Variants in ATP2B1 observed in about 807,000 individuals in gnomAD.
ATP2B1 encodes ATPase plasma membrane Ca2+ transporting 1, also known as plasma membrane calcium-transporting ATPase 1.
ATP2B1 carries 14 observed loss-of-function variants against 124.2 expected under a neutral mutation model. The ratio of observed to expected loss-of-function variants is 0.11; its 90% CI spans 0.07 to 0.18. The LOEUF (loss-of-function observed/expected upper bound fraction) is 0.18. ATP2B1 is among the 10% of genes least tolerant of loss of function. ATP2B1 has a pLI of 1.00. For synonymous variants in ATP2B1, 449 were observed against 492.4 expected (o/e 0.91, Z 1.17); for missense variants, 763 against 1,466.1 (o/e 0.52, Z 7.83).
chr12:89,616,768 T>G, intron 12 of ATP2B1, 34 bp downstream of exon 12: 2 of 1,580,554 alleles, frequency 1.3e-6, no homozygotes, highest in Non-Finnish European at 8.7e-7. Context: ...AGTTATGAGA[T>G]TCTGCACATG....
At chr12:89,649,125 T>G (rs1269472348) in intron 2 of ATP2B1, among the ~76,000 whole-genome samples, 1 of 152,234 alleles carries the variant, frequency 6.6e-6, no homozygotes, top group Non-Finnish European at 1.5e-5. Context: ...AGGGGAATTG[T>G]AGGGTTGGAG....
intron 7 of ATP2B1, among the ~76,000 whole-genome samples, chr12:89,627,394 TC>T (rs1384456433): frequency 9.5e-5 from 8 of 84,526 alleles, no homozygotes; most frequent in African/African-American, 2.0e-4. Flanking sequence ...TATTCCAAAA[TC>T]CAAAAAAAAA....
chr12:89,650,084 C>A (rs758520659), intron 2 of ATP2B1, among the ~76,000 whole-genome samples: 66 of 152,124 alleles, frequency 4.3e-4, no homozygotes, highest in Non-Finnish European at 6.5e-4. Context: ...AACCTCTTTT[C>A]TTTATAAATT....
At chr12:89,597,509 A>G (rs2135896581) in intron 20 of ATP2B1, among the ~76,000 whole-genome samples, 1 of 152,260 alleles carries the variant, frequency 6.6e-6, no homozygotes, top group African/African-American at 2.4e-5. Flanking sequence ...ATCAAATGAA[A>G]ATATACTTAA....
chr12:89,643,173 T>G (rs991386654), intron 2 of ATP2B1, among the ~76,000 whole-genome samples: 2 of 150,482 alleles, frequency 1.3e-5, no homozygotes, highest in African/African-American at 4.9e-5. Context: ...TGTATGTATA[T>G]ATGTATATGT....
intron 2 of ATP2B1, among the ~76,000 whole-genome samples, chr12:89,651,026 G>T (rs1180902806): frequency 1.3e-5 from 2 of 152,110 alleles, no homozygotes; most frequent in Non-Finnish European, 2.9e-5. Context: ...TTTCTCTAAC[G>T]GAGCCAAAAA....
At chr12:89,690,283 C>T (rs1194196448) in intron 1 of ATP2B1, among the ~76,000 whole-genome samples, 1 of 151,336 alleles carries the variant, frequency 6.6e-6, no homozygotes, top group Non-Finnish European at 1.5e-5. Flanking sequence ...TTCCTTTATA[C>T]TCTGGGATAC....
chr12:89,677,407 T>C (rs1317700563), intron 1 of ATP2B1, among the ~76,000 whole-genome samples: 5 of 152,126 alleles, frequency 3.3e-5, no homozygotes, highest in Non-Finnish European at 7.4e-5. Context: ...TGAGATTAAT[T>C]TGTCCTTCAA....
In ATP2B1 at chr12:89,603,447, G is replaced by A; in HGVS notation, c.2849-193C>T. ...AGGAAACAGAAGCTCCCAAAACTAT[G>A]GTGATAATCTCAGGATCACATATCT... On this transcript the variant is annotated intron_variant, in intron 17 of 20. Coordinates refer to ENST00000428670, the MANE Select transcript of ATP2B1 (RefSeq NM_001366521.1). The surrounding 1 kb of genome is among the most constrained non-coding windows in gnomAD (Gnocchi z 4.3). 1 of 640,418 alleles carries A rather than the reference G, an allele frequency of 1.6e-6. No homozygotes were observed. The highest frequency in any genetic ancestry group is 2.6e-6 in the Non-Finnish European group (1 of 378,970). The allele number at this position is 640,418 out of a possible 1,614,324, so 39.7% of individuals were successfully genotyped here.
chr12:89,687,493 A>G (rs1565916366), intron 1 of ATP2B1, among the ~76,000 whole-genome samples: 2 of 152,064 alleles, frequency 1.3e-5, no homozygotes, highest in South Asian at 2.1e-4. Flanking sequence ...TACATGAGGT[A>G]CTTGAACATC....
At chr12:89,641,803 G>C (rs1372981879) in intron 3 of ATP2B1, 1 of 166,184 alleles carries the variant, frequency 6.0e-6, no homozygotes, top group African/African-American at 2.4e-5. Context: ...TTTTCCAAAA[G>C]AAACCAAAAA....
intron 1 of ATP2B1, among the ~76,000 whole-genome samples, chr12:89,707,890 C>T (rs1271036665): frequency 6.6e-6 from 1 of 152,236 alleles, no homozygotes. Flanking sequence ...GAACGCGGTC[C>T]TCCTACAGAC....
intron 1 of ATP2B1, among the ~76,000 whole-genome samples, chr12:89,698,469 AG>A (rs1891434318): frequency 6.6e-6 from 1 of 152,138 alleles, no homozygotes; most frequent in African/African-American, 2.4e-5. Context: ...GGGCTGCCTG[AG>A]GAAAGGAGGA....
rs1182273337 is a variant in ATP2B1 at position 89,622,244 on chromosome 12, G to GA, written c.1345-454dup. ...AAAAGATTCTTACATCAGTGCCAAGGAAAAAATAGCCTTTAGCAGCTAAAA... is the reference window on the plus strand; with the variant it reads ...AAAAGATTCTTACATCAGTGCCAAGGAAAAAAATAGCCTTTAGCAGCTAAAA... On this transcript the variant is annotated intron_variant, in intron 9 of 20. Transcript: ENST00000428670. Among the ~76,000 whole-genome samples the GA allele has an allele frequency of 2.7e-4, 41 of 151,650 alleles. 1 individual carries two copies. In the East Asian group the frequency reaches 7.2e-3, roughly 26 times the overall value.
chr12:89,596,212 A>T (rs1376824579), intron 20 of ATP2B1, among the ~76,000 whole-genome samples: 1 of 152,152 alleles, frequency 6.6e-6, no homozygotes, highest in African/African-American at 2.4e-5. Context: ...AATATTGGTA[A>T]ATAAAAACGA....
At chr12:89,638,637 T>C (rs1290580379) in intron 3 of ATP2B1, among the ~76,000 whole-genome samples, 2 of 151,498 alleles carry the variant, frequency 1.3e-5, no homozygotes, top group Admixed American at 6.6e-5. Context: ...TGAGGGAACA[T>C]TTTTCATCAA....
chr12:89,610,180 T>A, intron 14 of ATP2B1, 137 bp from the exon 15 acceptor site: 1 of 891,648 alleles, frequency 1.1e-6, no homozygotes, highest in Non-Finnish European at 1.7e-6. Flanking sequence ...ATTGCTTAGA[T>A]GTTGGGTGAG....
intron 8 of ATP2B1, among the ~76,000 whole-genome samples, chr12:89,626,030 C>T (rs545069428): frequency 2.6e-5 from 4 of 152,230 alleles, no homozygotes; most frequent in Admixed American, 2.6e-4. Flanking sequence ...ACTTCAGCCG[C>T]ACTACAACGA....
chr12:89,700,373 G>T (rs1350962180), intron 1 of ATP2B1, among the ~76,000 whole-genome samples: 1 of 152,002 alleles, frequency 6.6e-6, no homozygotes, highest in East Asian at 1.9e-4. Flanking sequence ...GTAGTTCTCC[G>T]CTATGGTATT....
Sources: allele counts gnomAD v4.1 joint callset (sites outside exome capture counted in the v4.1 genomes callset), GRCh38; gene constraint gnomAD v4.1.1; non-coding constraint Gnocchi (gnomAD v3.1); transcripts MANE v1.5; gene names NCBI Gene and HGNC (gene_info 2026-07-23, HGNC 2026-07-21).